EIF4G1: variants seen among roughly 807,000 people sequenced by gnomAD.
The protein encoded by EIF4G1 is eukaryotic translation initiation factor 4 gamma 1.
Under a neutral mutation model 187.8 loss-of-function variants are expected in EIF4G1, and 4 were observed. The observed-to-expected ratio is 0.02, with a 90% CI of 0.01 to 0.05. EIF4G1 has a LOEUF of 0.05. EIF4G1 is among the 10% of genes least tolerant of loss of function. EIF4G1 has a pLI of 1.00. For synonymous variants in EIF4G1, 844 were observed against 781.4 expected, an observed-to-expected ratio of 1.08 and a Z score of -1.34; for missense variants, 1,647 against 2,081.1, an observed-to-expected ratio of 0.79 and a Z score of 4.06.
chr3:184,326,020 T>C lies in EIF4G1; in HGVS notation c.3222+69T>C, dbSNP rs1035537170. On this transcript the variant is annotated intron_variant, in intron 21 of 32. Coordinates refer to ENST00000346169, the MANE Select transcript of EIF4G1 (RefSeq NM_198241.3). ...TCTTAGTCCCTTCACTTTTCTAAAG[T>C]TGAGAAGGTGACAGCTGAATGTTTC... 32 of 1,514,140 alleles carry C rather than the reference T, an allele frequency of 2.1e-5. No homozygotes were observed. The African/African-American group carries it at 4.1e-4, about 19-fold the overall frequency. The allele number at this position is 1,514,140 out of a possible 1,614,324, so 93.8% of individuals were successfully genotyped here.
At position 184,331,893 on chromosome 3, in the gene EIF4G1, G is replaced by C. The variant is rs757167311; in HGVS notation, c.4478-53G>C. 24 of 1,614,110 alleles carry C rather than the reference G, an allele frequency of 1.5e-5. No homozygotes were observed. In the East Asian group the frequency reaches 2.0e-4, roughly 13 times the overall value. On this transcript the variant is annotated intron_variant, in intron 31 of 32. Coordinates refer to ENST00000346169, the MANE Select transcript of EIF4G1 (RefSeq NM_198241.3). Reference sequence around the variant, plus strand: ...GGTGGGTGTCAGCCTTGGCCTCCCAGTTCTGAACCGGGGTAAGGGTATATT... The same window carrying C: ...GGTGGGTGTCAGCCTTGGCCTCCCACTTCTGAACCGGGGTAAGGGTATATT...
rs768015986 is a variant in EIF4G1 at position 184,334,768 on chromosome 3, G to A, written c.4660G>A (p.Val1554Met). The A allele has an allele frequency of 7.4e-6, 12 of 1,614,224 alleles. No homozygotes were observed. Among genetic ancestry groups the A allele is most frequent in the African/African-American group, 4.0e-5 (3 of 75,058 alleles). Residue 1554 changes from valine (V) to methionine (M), a missense_variant, in exon 33 of 33, where the codon GTG becomes ATG. Val to Met is a conservative substitution (Grantham distance 21). Coordinates refer to ENST00000346169, the MANE Select transcript of EIF4G1 (RefSeq NM_198241.3). This position sits in a 1 kb window ranked among gnomAD's most constrained non-coding sequence, Gnocchi z 5.8. ...MFFDALYDED[V>M]VKEDAFYSWE... ...CTTTGACGCACTGTATGACGAGGAC[G>A]TGGTGAAGGAGGATGCCTTCTACAG...
chr3:184,325,672 G>A lies in EIF4G1; in HGVS notation c.3121+33G>A, dbSNP rs771104958. ...CCAAGCTGGGATTGAGAAGGGAGCA[G>A]TGAAGGGACCGGGAGGTTATACTTT... On this transcript the variant is annotated intron_variant, in intron 20 of 32. Coordinates refer to ENST00000346169, the MANE Select transcript of EIF4G1 (RefSeq NM_198241.3). The surrounding 1 kb of genome is among the most constrained non-coding windows in gnomAD (Gnocchi z 5.2). 6.2e-7 allele frequency: 1 copy of A among 1,614,176 alleles called. No individual in the cohort carries two copies. The highest frequency in any genetic ancestry group is 1.3e-5 in the African/African-American group (1 of 75,052).
chr3:184,327,052 A>G (rs1725065430), intron 23 of EIF4G1, 69 bp downstream of exon 23: 6 of 1,605,734 alleles, frequency 3.7e-6, no homozygotes, highest in African/African-American at 1.3e-5. Context: ...TTGTTGCCAT[A>G]GGTTGGAAAT....
chr3:184,333,337 A>C (rs1463343922), intron 32 of EIF4G1, among the ~76,000 whole-genome samples: 2 of 152,132 alleles, frequency 1.3e-5, no homozygotes, highest in Non-Finnish European at 2.9e-5. Flanking sequence ...TCCTTTTGGA[A>C]AAGAAGAGAT....
chr3:184,323,561 G>A lies in EIF4G1; in HGVS notation c.2242G>A (p.Gly748Arg), dbSNP rs748478187. Residue 748 changes from glycine to arginine, a missense_variant, in exon 15 of 33, where the codon GGG (glycine) becomes AGG (arginine). This residue lies in a region of EIF4G1 where 140 missense variants were observed against 222.2 expected (regional missense o/e 0.63). Coordinates refer to ENST00000346169, the MANE Select transcript of EIF4G1 (RefSeq NM_198241.3). This position sits in a 1 kb window ranked among gnomAD's most constrained non-coding sequence, Gnocchi z 6.9. The stretch of plus-strand genomic sequence containing the variant: ...GCGGACGGCGGCTGATAAGGATCGA[G>A]GGGAAGAAGATGCTGATGGCAGCAA... ...SKRTAADKDR[G>R]EEDADGSKTQ... The A allele has an allele frequency of 5.6e-6, 9 of 1,614,032 alleles. No homozygotes were observed. Among genetic ancestry groups the A allele is most frequent in the Non-Finnish European group, 7.6e-6 (9 of 1,180,044 alleles).
chr3:184,323,255 G>A lies in EIF4G1; in HGVS notation c.2088+14G>A, dbSNP rs748082717. The A allele has an allele frequency of 1.5e-5, 25 of 1,613,926 alleles. No individual in the cohort carries two copies. Among genetic ancestry groups the A allele is most frequent in the East Asian group, 2.2e-5 (1 of 44,882 alleles). ...CCCCGTGGGCCGGTGAGTGGGGCTG[G>A]GTAAAGTGGCAGGTGGGCAAGGAGT... is the stretch of plus-strand genomic sequence containing the variant. On this transcript the variant is annotated intron_variant, in intron 14 of 32. Transcript: ENST00000346169. This position sits in a 1 kb window ranked among gnomAD's most constrained non-coding sequence, Gnocchi z 6.9.
chr3:184,320,513 C>G, intron 7 of EIF4G1, 117 bp from the exon 8 acceptor site: 1 of 1,578,654 alleles, frequency 6.3e-7, no homozygotes. Flanking sequence ...TTTCTGGCAC[C>G]TACCTACCTG....
chr3:184,332,479 G>A (rs1192867386), intron 32 of EIF4G1, among the ~76,000 whole-genome samples: 4 of 152,198 alleles, frequency 2.6e-5, no homozygotes, highest in African/African-American at 9.6e-5. Context: ...TCCACATGAG[G>A]AGACTGAGGT....
At chr3:184,318,683 C>T (rs907771391) in intron 6 of EIF4G1, among the ~76,000 whole-genome samples, 14 of 152,204 alleles carry the variant, frequency 9.2e-5, no homozygotes, top group African/African-American at 3.4e-4. Context: ...TGGCTCTCTG[C>T]AGCCTCCGCC....
chr3:184,322,664 A>C lies in EIF4G1; in HGVS notation c.1729A>C (p.Lys577Gln), dbSNP rs1404091644. Reference protein sequence around the residue: ...PEEADETWDSKEDKIHNAENI... With the variant: ...PEEADETWDSQEDKIHNAENI... ...GGAAGCAGATGAGACCTGGGACTCA[A>C]AGGAAGACAAAATTCACAATGCTGA... Residue 577 changes from lysine (K) to glutamine (Q), a missense_variant, in exon 12 of 33, where the codon AAG becomes CAG. Coordinates refer to ENST00000346169, the MANE Select transcript of EIF4G1 (RefSeq NM_198241.3). 6 of 1,614,088 alleles carry C rather than the reference A, an allele frequency of 3.7e-6. No individual in the cohort carries two copies. The highest frequency in any genetic ancestry group is 5.1e-6 in the Non-Finnish European group (6 of 1,180,050).
rs575126156 is a variant in EIF4G1 at position 184,327,097 on chromosome 3, T to C, written c.3428+114T>C. The stretch of plus-strand genomic sequence containing the variant: ...CCTGTCCTGGTTGGAGCCCTTGGGT[T>C]AGATTGGGGCATACTCATTATGCTA... On this transcript the variant is annotated intron_variant, in intron 23 of 32. Transcript: ENST00000346169. The C allele has an allele frequency of 5.1e-6, 8 of 1,568,944 alleles. No homozygotes were observed. The Admixed American group carries it at 1.2e-4, about 24-fold the overall frequency.
In EIF4G1 at chr3:184,323,445, G is replaced by A; in HGVS notation, c.2126G>A (p.Arg709Gln). The A allele has an allele frequency of 6.2e-7, 1 of 1,614,190 alleles. No individual in the cohort carries two copies. Among genetic ancestry groups the A allele is most frequent in the Non-Finnish European group, 8.5e-7 (1 of 1,180,024 alleles). The change falls in exon 15 of 33, where the codon CGA (arginine) becomes CAA (glutamine). Residue 709 changes from arginine to glutamine, a missense_variant. Physicochemically the swap from Arg to Gln is conservative, Grantham distance 43. Around this residue, in one of 11 missense-constraint regions of EIF4G1, gnomAD observed 140 missense variants for 222.2 expected, o/e 0.63. Coordinates refer to ENST00000346169, the MANE Select transcript of EIF4G1 (RefSeq NM_198241.3). This position sits in a 1 kb window ranked among gnomAD's most constrained non-coding sequence, Gnocchi z 6.9. ...CCCCGGCGCTCTCAGCAGGGACCCC[G>A]AAAAGAACCACGCAAGATCATTGCC... ...LGPRRSQQGP[R>Q]KEPRKIIATV...
At chr3:184,333,097 C>G (rs1726449000) in intron 32 of EIF4G1, among the ~76,000 whole-genome samples, 1 of 152,084 alleles carries the variant, frequency 6.6e-6, no homozygotes, top group African/African-American at 2.4e-5. Flanking sequence ...GTAGGCAGAT[C>G]AAGAGATACT....
Position 184,326,588 on chromosome 3 carries a change from A to G in EIF4G1, c.3284A>G (p.Lys1095Arg). The G allele has an allele frequency of 1.9e-6, 3 of 1,612,834 alleles. No homozygotes were observed. The highest frequency in any genetic ancestry group is 2.5e-6 in the Non-Finnish European group (3 of 1,180,026). The change falls in exon 22 of 33, where the codon AAG becomes AGG. Residue 1095 changes from lysine to arginine, a missense_variant. Around this residue, in one of 11 missense-constraint regions of EIF4G1, gnomAD observed 142 missense variants for 296.6 expected, o/e 0.48. Coordinates refer to ENST00000346169, the MANE Select transcript of EIF4G1 (RefSeq NM_198241.3). ...FAPGGRLSWG[K>R]GSSGGSGAKP... is the part of the protein sequence containing the mutation. The stretch of plus-strand genomic sequence containing the variant: ...CCTGGAGGGCGACTGAGCTGGGGCA[A>G]GGGCAGCAGCGGAGGCTCAGGAGCC...
In EIF4G1 at chr3:184,328,697, A is replaced by T; in HGVS notation, c.4020A>T (p.Leu1340=). Residue 1340 remains leucine, a synonymous_variant, in exon 27 of 33, where the codon CTA becomes CTT. Coordinates refer to ENST00000346169, the MANE Select transcript of EIF4G1 (RefSeq NM_198241.3). ...ACATCCCCCACGTGTGGCTCTACCT[A>T]GCGGAACTGGTAACACCCATTCTGC... ...EIDIPHVWLY[L]AELVTPILQE... 6.8e-6 allele frequency: 11 copies of T among 1,614,136 alleles called. No homozygotes were observed. Among genetic ancestry groups the T allele is most frequent in the Non-Finnish European group, 8.5e-6 (10 of 1,180,018 alleles).
In EIF4G1 at chr3:184,324,981, T is replaced by A; in HGVS notation, c.2723T>A (p.Leu908Gln). 6.2e-7 allele frequency: 1 copy of A among 1,614,220 alleles called. No homozygotes were observed. The highest frequency in any genetic ancestry group is 8.5e-7 in the Non-Finnish European group (1 of 1,180,040). ...NIKFIGELFK[L>Q]KMLTEAIMHD... ...AAGTTTATTGGAGAGTTGTTCAAAC[T>A]GAAGATGTTAACAGAGGCAATAATG... The change falls in exon 18 of 33, where the codon CTG becomes CAG. Residue 908 changes from leucine to glutamine, a missense_variant. Physicochemically the swap from Leu to Gln is moderately radical, Grantham distance 113. Around this residue, in one of 11 missense-constraint regions of EIF4G1, gnomAD observed 142 missense variants for 296.6 expected, o/e 0.48. Coordinates refer to ENST00000346169, the MANE Select transcript of EIF4G1 (RefSeq NM_198241.3).
At chr3:184,326,341 T>A (rs1015598626) in intron 21 of EIF4G1, among the ~76,000 whole-genome samples, 186 bp from the exon 22 acceptor site, 1 of 152,224 alleles carries the variant, frequency 6.6e-6, no homozygotes, top group Non-Finnish European at 1.5e-5. Context: ...GCCTTTATCA[T>A]CTACAGCTGG....
At chr3:184,314,765 C>T (rs1722401238) in intron 1 of EIF4G1, 91 bp downstream of exon 1, 1 of 146,646 alleles carries the variant, frequency 6.8e-6, no homozygotes, top group South Asian at 2.1e-4. Flanking sequence ...CACCCTGCGC[C>T]GCCGCCCCGG....
Sources: allele counts gnomAD v4.1 joint callset (sites outside exome capture counted in the v4.1 genomes callset), GRCh38; gene constraint gnomAD v4.1.1; regional missense constraint gnomAD v4.1.1; non-coding constraint Gnocchi (gnomAD v3.1); transcripts MANE v1.5; gene names NCBI Gene and HGNC (gene_info 2026-07-23, HGNC 2026-07-21).